SEC61B: variants seen among roughly 807,000 people sequenced by gnomAD.
SEC61B encodes protein transport protein Sec61 subunit beta.
In SEC61B, 7 loss-of-function variants were observed where a neutral mutation model predicts 12.6. The ratio of observed to expected loss-of-function variants is 0.55; its 90% CI spans 0.32 to 1.04. SEC61B has a LOEUF of 1.04. SEC61B is among the 50% of genes least tolerant of loss of function. The probability of loss-of-function intolerance (pLI) is 0.05; values close to 1 mark genes in which losing one functional copy is unlikely to be tolerated. For missense variants in SEC61B, 107 were observed against 130.1 expected (o/e 0.82, Z 0.86); for synonymous variants, 54 against 50.1 (o/e 1.08, Z -0.33).
In SEC61B at chr9:99,227,940, C is replaced by A. The variant is rs1828918068; in HGVS notation, c.143C>A (p.Thr48Asn). 1.1e-5 allele frequency: 18 copies of A among 1,614,172 alleles called. No individual in the cohort carries two copies. The highest frequency in any genetic ancestry group is 1.4e-5 in the Non-Finnish European group (16 of 1,180,016). ...SCGTRSAGRT[T>N]SAGTGGMWRF... ...GGGACAAGGAGTGCAGGCCGCACAACCTCGGCAGGCACCGGGGGGATGTGG... is the reference window on the plus strand; with the variant it reads ...GGGACAAGGAGTGCAGGCCGCACAAACTCGGCAGGCACCGGGGGGATGTGG... The change falls in exon 3 of 4, where the codon ACC becomes AAC. Residue 48 changes from threonine (T) to asparagine (N), a missense_variant. Transcript: ENST00000223641.
rs1265028276 is a variant in SEC61B, at chr9:99,222,645, TA to T, written c.101+4del. 5 of 1,533,920 alleles carry T rather than the reference TA, an allele frequency of 3.3e-6. No homozygotes were observed. The highest frequency in any genetic ancestry group is 8.8e-7 in the Non-Finnish European group (1 of 1,139,000). ...GGCGGGATCCACTGTCCGGCAGAGG[TA>T]AGGAACCCTGCAGTTCGTTCGCTTC... On this transcript the variant is annotated splice_donor_region_variant and intron_variant, in intron 2 of 3. Transcript: ENST00000223641.
chr9:99,226,216 C>T (rs1427943782), intron 2 of SEC61B, among the ~76,000 whole-genome samples: 1 of 152,184 alleles, frequency 6.6e-6, no homozygotes, highest in Non-Finnish European at 1.5e-5. Context: ...TGATTGCTTT[C>T]AAAGTTCTGG....
chr9:99,224,186 A>C (rs1828871141), intron 2 of SEC61B, among the ~76,000 whole-genome samples: 1 of 152,234 alleles, frequency 6.6e-6, no homozygotes, highest in South Asian at 2.1e-4. Flanking sequence ...TCTAAAACTG[A>C]TGATTTGAAC....
intron 3 of SEC61B, among the ~76,000 whole-genome samples, chr9:99,228,243 T>G (rs1308486652): frequency 6.6e-6 from 1 of 152,188 alleles, no homozygotes; most frequent in Non-Finnish European, 1.5e-5. Flanking sequence ...TGGAGCTATG[T>G]CAAAATAAAT....
In SEC61B at chr9:99,222,325, A is replaced by G; in HGVS notation, c.-39A>G. The G allele has an allele frequency of 1.9e-6, 3 of 1,613,964 alleles. No individual in the cohort carries two copies. Among genetic ancestry groups the G allele is most frequent in the Non-Finnish European group, 1.7e-6 (2 of 1,179,966 alleles). Reference sequence around the variant, plus strand: ...TCTTTCGGGGGCTCCGTAACTTTCTATCCGTCCGCGTCAGCGCCTTGCCAC... The same window carrying G: ...TCTTTCGGGGGCTCCGTAACTTTCTGTCCGTCCGCGTCAGCGCCTTGCCAC... On this transcript the variant is annotated 5_prime_UTR_variant, in exon 1 of 4. Transcript: ENST00000223641.
At chr9:99,229,056 TTAATTTTAATTAGTTTTTA>T (rs1237038472) in intron 3 of SEC61B, among the ~76,000 whole-genome samples, 3 of 152,172 alleles carry the variant, frequency 2.0e-5, no homozygotes, top group Non-Finnish European at 2.9e-5. Flanking sequence ...AAAGTTTTTA[TTAATTTTAATTAGTTTTTA>T]TAATTTTAAT....
At chr9:99,229,551 C>T (rs1828936139) in intron 3 of SEC61B, among the ~76,000 whole-genome samples, 1 of 152,138 alleles carries the variant, frequency 6.6e-6, no homozygotes, top group South Asian at 2.1e-4. Context: ...CACTGTGTTG[C>T]CCAGGCTGGT....
At position 99,230,484 on chromosome 9, in the gene SEC61B, C is replaced by A; in HGVS notation, c.*60C>A. 1.8e-6 allele frequency: 2 copies of A among 1,121,322 alleles called. No individual in the cohort carries two copies. The highest frequency in any genetic ancestry group is 2.7e-6 in the Non-Finnish European group (2 of 742,838). The allele number at this position is 1,121,322 out of a possible 1,614,324, so 69.5% of individuals were successfully genotyped here. On this transcript the variant is annotated 3_prime_UTR_variant, in exon 4 of 4. Transcript: ENST00000223641. ...GGAAAAAACCCAACATTTCTTGGAC[C>A]AAAAGTATAGTGACTATCTGTTCAT...
chr9:99,228,834 C>T (rs1378229233), intron 3 of SEC61B, among the ~76,000 whole-genome samples: 4 of 152,188 alleles, frequency 2.6e-5, no homozygotes, highest in African/African-American at 9.7e-5. Flanking sequence ...AGATGAGGAC[C>T]TCAGGTTCAA....
rs1828832923 is a variant in SEC61B, at chr9:99,222,310, G to C, written c.-54G>C. On this transcript the variant is annotated 5_prime_UTR_variant, in exon 1 of 4. Coordinates refer to ENST00000223641, the MANE Select transcript of SEC61B (RefSeq NM_006808.3). ...CTCGCCAGCTGCCGGTCTTTCGGGGGCTCCGTAACTTTCTATCCGTCCGCG... is the reference window on the plus strand; with the variant it reads ...CTCGCCAGCTGCCGGTCTTTCGGGGCCTCCGTAACTTTCTATCCGTCCGCG... The C allele has an allele frequency of 1.2e-6, 2 of 1,613,894 alleles. No individual in the cohort carries two copies. Among genetic ancestry groups the C allele is most frequent in the Non-Finnish European group, 1.7e-6 (2 of 1,179,862 alleles).
At chr9:99,224,287 A>T (rs548667388) in intron 2 of SEC61B, among the ~76,000 whole-genome samples, 2 of 152,358 alleles carry the variant, frequency 1.3e-5, no homozygotes, top group East Asian at 3.9e-4. Flanking sequence ...GTTCCCTGTC[A>T]TTGGGATGTT....
intron 2 of SEC61B, 151 bp downstream of exon 2, chr9:99,222,794 G>A: frequency 1.7e-6 from 1 of 585,394 alleles, no homozygotes; most frequent in Non-Finnish European, 2.9e-6. Context: ...AAGGCCTTTT[G>A]GGAGGAAGGC....
At chr9:99,228,998 C>T (rs1449457497) in intron 3 of SEC61B, among the ~76,000 whole-genome samples, 2 of 152,050 alleles carry the variant, frequency 1.3e-5, no homozygotes, top group East Asian at 3.9e-4. Context: ...TGACCAGCAC[C>T]TTGACTTTAG....
intron 3 of SEC61B, 56 bp from the exon 4 acceptor site, chr9:99,230,281 A>C (rs1353376693): frequency 9.0e-7 from 1 of 1,112,570 alleles, no homozygotes; most frequent in Non-Finnish European, 1.3e-6. Context: ...TTAGTATTGC[A>C]GATCTAATAG....
intron 2 of SEC61B, among the ~76,000 whole-genome samples, chr9:99,223,702 T>C (rs1828864334): frequency 6.6e-6 from 1 of 152,256 alleles, no homozygotes; most frequent in African/African-American, 2.4e-5. Context: ...TTCAGCCTAA[T>C]CTTTCTTTGC....
In SEC61B at chr9:99,230,555, AT is replaced by A. The variant is rs1435110605; in HGVS notation, c.*132del. On this transcript the variant is annotated 3_prime_UTR_variant, in exon 4 of 4. Coordinates refer to ENST00000223641, the MANE Select transcript of SEC61B (RefSeq NM_006808.3). ...TTGCTGTTTTACAGGGGATTTATCA[AT>A]AATTGATTTTGAGGAATCAGTTTTT... 2.6e-5 allele frequency: 17 copies of A among 649,844 alleles called. No individual in the cohort carries two copies. Among genetic ancestry groups the A allele is most frequent in the Non-Finnish European group, 4.3e-5 (16 of 370,750 alleles). 40.3% of individuals were successfully genotyped at this position (649,844 alleles called of 1,614,324 possible).
chr9:99,226,523 A>G (rs1333645255), intron 2 of SEC61B, among the ~76,000 whole-genome samples: 3 of 152,208 alleles, frequency 2.0e-5, no homozygotes, highest in Non-Finnish European at 2.9e-5. Flanking sequence ...CTGGGATTTG[A>G]TGCTGAATGG....
chr9:99,222,363 T>A lies in SEC61B; in HGVS notation c.-1T>A, dbSNP rs1436042904. ...AGCGCCTTGCCACCCTCATCTCCAA[T>A]ATGGTATGGCGGCCCTTCCATGATC... On this transcript the variant is annotated 5_prime_UTR_variant, in exon 1 of 4. Transcript: ENST00000223641. 6.2e-7 allele frequency: 1 copy of A among 1,614,096 alleles called. No homozygotes were observed. Among genetic ancestry groups the A allele is most frequent in the Non-Finnish European group, 8.5e-7 (1 of 1,180,004 alleles).
At chr9:99,226,872 G>T (rs1385260026) in intron 2 of SEC61B, among the ~76,000 whole-genome samples, 1 of 152,124 alleles carries the variant, frequency 6.6e-6, no homozygotes, top group African/African-American at 2.4e-5. Context: ...TACAAGCCTT[G>T]ATCCCCTTGT....
Sources: gnomAD v4.1 joint callset for allele counts (sites outside exome capture counted in the v4.1 genomes callset) on GRCh38, gnomAD v4.1.1 for gene constraint, MANE v1.5 for transcripts, NCBI Gene and HGNC (gene_info 2026-07-23, HGNC 2026-07-21) for gene names.